The following NAV3 variants were observed in gnomAD, a reference collection of about 807,000 sequenced individuals.
NAV3 encodes the protein neuron navigator 3, also known as pore membrane and/or filament interacting like protein 1.
Under a neutral mutation model 244.7 loss-of-function variants are expected in NAV3, and 87 were observed. The ratio of observed to expected loss-of-function variants is 0.36; its 90% CI spans 0.30 to 0.42. The LOEUF is 0.42. NAV3 is among the 20% of genes least tolerant of loss of function. The probability of loss-of-function intolerance (pLI) is 1.00; values close to 1 mark genes in which losing one functional copy is unlikely to be tolerated. For synonymous variants in NAV3, 1,126 were observed against 1,042.2 expected (o/e 1.08, Z -1.55); for missense variants, 2,663 against 2,893.3 (o/e 0.92, Z 1.83).
At chr12:77,833,693 G>A (rs1288460663) in intron 1 of NAV3, among the ~76,000 whole-genome samples, 1 of 152,222 alleles carries the variant, frequency 6.6e-6, no homozygotes, top group African/African-American at 2.4e-5. Context: ...TGTATTCTGG[G>A]TTCTCGCCTT....
At position 78,006,482 on chromosome 12, in the gene NAV3, C is replaced by A. The variant is rs769963958; in HGVS notation, c.944C>A (p.Ala315Asp). Residue 315 changes from alanine to aspartate, a missense_variant, in exon 8 of 40, where the codon GCT (alanine) becomes GAT (aspartate). Physicochemically the swap from Ala to Asp is moderately radical, Grantham distance 126. Coordinates refer to ENST00000397909, the MANE Select transcript of NAV3 (RefSeq NM_001024383.2). ...GGTAACGTGCAGCCTCCCAGTACTG[C>A]TGGGCAGCCTCCTGCCTCTGCCATC... The part of the protein sequence containing the change: ...VNGNVQPPST[A>D]GQPPASAIPS... The A allele has an allele frequency of 6.2e-6, 10 of 1,614,032 alleles. No individual in the cohort carries two copies. The highest frequency in any genetic ancestry group is 6.8e-6 in the Non-Finnish European group (8 of 1,179,988).
At chr12:77,880,596 T>C (rs2136600861) in intron 1 of NAV3, among the ~76,000 whole-genome samples, 1 of 152,270 alleles carries the variant, frequency 6.6e-6, no homozygotes, top group South Asian at 2.1e-4. Context: ...ATAATTGCAG[T>C]AAGGTACTGC....
At chr12:78,088,024 G>C (rs1953725158) in intron 12 of NAV3, among the ~76,000 whole-genome samples, 1 of 150,106 alleles carries the variant, frequency 6.7e-6, no homozygotes, top group Admixed American at 6.7e-5. Context: ...TTCCTTTCTA[G>C]TGTTTCTTCA....
intron 11 of NAV3, among the ~76,000 whole-genome samples, chr12:78,058,306 C>T (rs552371761): frequency 2.6e-5 from 4 of 152,242 alleles, no homozygotes; most frequent in Non-Finnish European, 4.4e-5. Flanking sequence ...AGTCAAGGGA[C>T]ATATTACATG....
chr12:77,867,666 A>T (rs770157), intron 1 of NAV3, among the ~76,000 whole-genome samples: 76,806 of 151,888 alleles, frequency 0.51, 19,679 homozygotes, highest in Middle Eastern at 0.66. Context: ...GTCATCCACC[A>T]GCCTCGGCCT....
chr12:77,819,191 A>T (rs1258241750), intron 2 of NAV3, among the ~76,000 whole-genome samples: 3 of 152,050 alleles, frequency 2.0e-5, no homozygotes, highest in African/African-American at 7.2e-5. Flanking sequence ...CATGCGTGCA[A>T]TAGGTGTTAC....
chr12:77,718,344 T>C (rs909183450), intron 2 of NAV3, among the ~76,000 whole-genome samples: 10 of 152,178 alleles, frequency 6.6e-5, no homozygotes, highest in African/African-American at 1.9e-4. Context: ...GTTTCACCAT[T>C]ATGTAGCCTT....
intron 1 of NAV3, among the ~76,000 whole-genome samples, chr12:77,919,555 T>C (rs1302276600): frequency 3.3e-5 from 5 of 152,066 alleles, no homozygotes; most frequent in African/African-American, 1.2e-4. Context: ...TAATCCCCCA[T>C]TTTACTAAAA....
At chr12:77,625,498 T>C (rs1293714333) in intron 2 of NAV3, among the ~76,000 whole-genome samples, 2 of 152,186 alleles carry the variant, frequency 1.3e-5, no homozygotes, top group Non-Finnish European at 2.9e-5. Context: ...GACTTGTTTC[T>C]TATTATACTC....
rs1270170275 is a variant in NAV3 at position 77,658,070 on chromosome 12, C to T, written c.72+85804C>T. On this transcript the variant is annotated intron_variant, in intron 2 of 8. Transcript: ENST00000550042. ...CACAAGACAGGGATGCCCTCTCTCA[C>T]CACTCCTATTCAACATAGTGTTGGA... Among the ~76,000 whole-genome samples, 205 of 150,990 alleles carry T rather than the reference C, an allele frequency of 1.4e-3. 3 individuals carry two copies. Among genetic ancestry groups the T allele is most frequent in the Non-Finnish European group, 4.5e-4 (30 of 67,050 alleles).
chr12:77,621,865 C>T (rs1871387512), intron 2 of NAV3, among the ~76,000 whole-genome samples: 1 of 152,084 alleles, frequency 6.6e-6, no homozygotes, highest in Admixed American at 6.5e-5. Flanking sequence ...ACTACAATGA[C>T]AATCATATAA....
chr12:77,725,906 A>G (rs1359816758), intron 2 of NAV3, among the ~76,000 whole-genome samples: 1 of 151,858 alleles, frequency 6.6e-6, no homozygotes, highest in African/African-American at 2.4e-5. Context: ...TTTCCCTTCT[A>G]TCTTCAAAGC....
chr12:77,660,681 A>T (rs926153077), intron 2 of NAV3, among the ~76,000 whole-genome samples: 1 of 152,190 alleles, frequency 6.6e-6, no homozygotes, highest in African/African-American at 2.4e-5. Flanking sequence ...GTATATATGT[A>T]TACCATTACT....
intron 9 of NAV3, among the ~76,000 whole-genome samples, chr12:78,034,592 T>C (rs1879536133): frequency 6.6e-6 from 1 of 152,216 alleles, no homozygotes; most frequent in African/African-American, 2.4e-5. Context: ...TAAGGTCAAC[T>C]CATTTGATAT....
intron 12 of NAV3, among the ~76,000 whole-genome samples, chr12:78,096,194 A>G (rs1232370509): frequency 1.3e-5 from 2 of 152,172 alleles, no homozygotes; most frequent in Non-Finnish European, 1.5e-5. Context: ...AACCAATTAT[A>G]TGGCTTCCCC....
At chr12:77,811,670 T>A (rs1872294542) in intron 2 of NAV3, among the ~76,000 whole-genome samples, 2 of 152,164 alleles carry the variant, frequency 1.3e-5, no homozygotes, top group South Asian at 2.1e-4. Context: ...AAATACAACA[T>A]AAGCATTCAA....
intron 1 of NAV3, among the ~76,000 whole-genome samples, chr12:77,928,049 C>T (rs1415274795): frequency 6.6e-6 from 1 of 151,664 alleles, no homozygotes; most frequent in Non-Finnish European, 1.5e-5. Context: ...GGTGAAACCC[C>T]ATCTCTACTA....
At chr12:77,623,685 T>G (rs1871485406) in intron 2 of NAV3, among the ~76,000 whole-genome samples, 1 of 152,224 alleles carries the variant, frequency 6.6e-6, no homozygotes, top group African/African-American at 2.4e-5. Context: ...CGAAGAATAC[T>G]AAAATGCCAG....
At chr12:77,905,033 G>T (rs2136971375) in intron 1 of NAV3, among the ~76,000 whole-genome samples, 1 of 152,068 alleles carries the variant, frequency 6.6e-6, no homozygotes, top group East Asian at 1.9e-4. Context: ...TTAATGCTTT[G>T]TGATAGAGAA....
Sources: allele counts gnomAD v4.1 joint callset (sites outside exome capture counted in the v4.1 genomes callset), GRCh38; gene constraint gnomAD v4.1.1; transcripts MANE v1.5; gene names NCBI Gene and HGNC (gene_info 2026-07-23, HGNC 2026-07-21).